The following VTI1A variants were observed in gnomAD, a reference collection of about 807,000 sequenced individuals.
VTI1A encodes vesicle transport through interaction with t-SNAREs homolog 1A.
In VTI1A, 22 loss-of-function variants were observed where a neutral mutation model predicts 34.9. The observed-to-expected ratio is 0.63, with a 90% CI of 0.45 to 0.90. The LOEUF is 0.90. Ranked by LOEUF, VTI1A falls within the 40% of genes least tolerant of loss-of-function variation. The probability of loss-of-function intolerance (pLI) is 0.00; values close to 1 mark genes in which losing one functional copy is unlikely to be tolerated. For synonymous variants in VTI1A, 87 were observed against 97.3 expected (o/e 0.89, Z 0.62); for missense variants, 268 against 275.6 (o/e 0.97, Z 0.20).
intron 7 of VTI1A, among the ~76,000 whole-genome samples, chr10:112,686,293 T>A (rs1848409273): frequency 6.6e-6 from 1 of 152,198 alleles, no homozygotes; most frequent in Non-Finnish European, 1.5e-5. Context: ...TCTGGCAGTT[T>A]GTGATGTAAG....
chr10:112,592,018 A>G (rs1358927188), intron 5 of VTI1A, among the ~76,000 whole-genome samples: 1 of 152,232 alleles, frequency 6.6e-6, no homozygotes, highest in Non-Finnish European at 1.5e-5. Flanking sequence ...GTCTAAAAGT[A>G]AAGGGACAAT....
chr10:112,593,193 A>G (rs1350142857), intron 5 of VTI1A, among the ~76,000 whole-genome samples: 1 of 152,234 alleles, frequency 6.6e-6, no homozygotes, highest in Non-Finnish European at 1.5e-5. Context: ...GAATGAGCTT[A>G]GGAACTTTTA....
At chr10:112,740,269 C>A (rs1037519624) in intron 7 of VTI1A, among the ~76,000 whole-genome samples, 2 of 151,978 alleles carry the variant, frequency 1.3e-5, no homozygotes, top group African/African-American at 2.4e-5. Context: ...ATGCAGAATT[C>A]CCCCTGTGAA....
At chr10:112,780,960 AAT>A (rs148376594) in intron 7 of VTI1A, among the ~76,000 whole-genome samples, 1 of 151,470 alleles carries the variant, frequency 6.6e-6, no homozygotes, top group African/African-American at 2.4e-5. Flanking sequence ...CATTCTTCAG[AAT>A]ATATATATAT....
chr10:112,508,897 G>T (rs1050995204), intron 3 of VTI1A, among the ~76,000 whole-genome samples: 6 of 152,132 alleles, frequency 3.9e-5, no homozygotes, highest in African/African-American at 1.4e-4. Context: ...ATCAAGCTCA[G>T]ATGCAAGCAA....
At chr10:112,656,843 A>G (rs894724202) in intron 5 of VTI1A, among the ~76,000 whole-genome samples, 1 of 152,108 alleles carries the variant, frequency 6.6e-6, no homozygotes, top group African/African-American at 2.4e-5. Context: ...TCCGAGTTGG[A>G]GGTGGGCCCT....
chr10:112,799,690 C>G (rs1376361580), intron 7 of VTI1A, among the ~76,000 whole-genome samples: 1 of 152,166 alleles, frequency 6.6e-6, no homozygotes. Flanking sequence ...CACCCTCCTC[C>G]CAGCCTAAGA....
At chr10:112,531,482 G>GAAAAAAAAAAAA (rs11284977) in intron 4 of VTI1A, among the ~76,000 whole-genome samples, 1 of 140,102 alleles carries the variant, frequency 7.1e-6, no homozygotes, top group South Asian at 2.2e-4. Flanking sequence ...CCTAAGCAAA[G>GAAAAAAAAAAAA]AAAAAAAAAA....
At chr10:112,717,852 G>A (rs1251665930) in intron 7 of VTI1A, among the ~76,000 whole-genome samples, 1 of 152,134 alleles carries the variant, frequency 6.6e-6, no homozygotes, top group East Asian at 1.9e-4. Flanking sequence ...AAATATTGTT[G>A]CAACCAGTTT....
chr10:112,739,680 G>A (rs1850622623), intron 7 of VTI1A, among the ~76,000 whole-genome samples: 1 of 152,224 alleles, frequency 6.6e-6, no homozygotes, highest in African/African-American at 2.4e-5. Flanking sequence ...TGTGCGTGCT[G>A]CATGCTACGG....
chr10:112,784,533 T>C (rs1242909462), intron 7 of VTI1A, among the ~76,000 whole-genome samples: 2 of 152,190 alleles, frequency 1.3e-5, no homozygotes, highest in Non-Finnish European at 2.9e-5. Context: ...AGAGTAGTCC[T>C]AATTGTAAGT....
chr10:112,555,393 G>A (rs1321405660), intron 5 of VTI1A, among the ~76,000 whole-genome samples: 1 of 152,018 alleles, frequency 6.6e-6, no homozygotes, highest in Non-Finnish European at 1.5e-5. Flanking sequence ...GTAGTAGTAG[G>A]ATTTATGTCT....
intron 7 of VTI1A, among the ~76,000 whole-genome samples, chr10:112,757,972 G>C (rs543809932): frequency 1.1e-4 from 16 of 152,184 alleles, no homozygotes; most frequent in African/African-American, 3.9e-4. Context: ...TCTTCTACTG[G>C]ATATTTTGTT....
At chr10:112,636,672 T>C (rs1333971994) in intron 5 of VTI1A, among the ~76,000 whole-genome samples, 3 of 144,306 alleles carry the variant, frequency 2.1e-5, no homozygotes, top group African/African-American at 7.8e-5. Flanking sequence ...GAGGTTGCAG[T>C]GAGCTGAGAT....
chr10:112,791,788 C>T (rs116528976), intron 7 of VTI1A, among the ~76,000 whole-genome samples: 244 of 151,166 alleles, frequency 1.6e-3, no homozygotes, highest in African/African-American at 5.6e-3. Context: ...AGTCTGTTCT[C>T]TAATAAAAAA....
chr10:112,838,714 G>T, the VTI1A span, among the ~76,000 whole-genome samples: 1 of 152,182 alleles, frequency 6.6e-6, no homozygotes, highest in African/African-American at 2.4e-5. Flanking sequence ...GAAGGAGCAG[G>T]CCTCGGTCAC....
intron 7 of VTI1A, among the ~76,000 whole-genome samples, chr10:112,771,957 G>A (rs1851826110): frequency 6.6e-6 from 1 of 152,144 alleles, no homozygotes; most frequent in African/African-American, 2.4e-5. Flanking sequence ...CTATTCTTCA[G>A]CCAATGGACA....
chr10:112,813,135 G>T (rs747399913), intron 7 of VTI1A, among the ~76,000 whole-genome samples: 20 of 152,210 alleles, frequency 1.3e-4, no homozygotes, highest in African/African-American at 4.6e-4. Flanking sequence ...GCAACAGAGC[G>T]GGCGGTGGAG....
chr10:112,514,797 A>G (rs933736592), intron 3 of VTI1A, among the ~76,000 whole-genome samples: 1 of 151,974 alleles, frequency 6.6e-6, no homozygotes, highest in Non-Finnish European at 1.5e-5. Context: ...AACTTGAAGC[A>G]TTATATTTCA....
Sources: gnomAD v4.1 joint callset for allele counts (sites outside exome capture counted in the v4.1 genomes callset) on GRCh38, gnomAD v4.1.1 for gene constraint, MANE v1.5 for transcripts, NCBI Gene and HGNC (gene_info 2026-07-23, HGNC 2026-07-21) for gene names.